CHD9: variants seen among roughly 807,000 people sequenced by gnomAD.
CHD9 encodes the protein chromodomain helicase DNA binding protein 9.
Under a neutral mutation model 316.1 loss-of-function variants are expected in CHD9, and 77 were observed. The ratio of observed to expected loss-of-function variants is 0.24; its 90% confidence interval spans 0.20 to 0.29. The LOEUF (loss-of-function observed/expected upper bound fraction) is 0.29. Ranked by LOEUF, CHD9 falls within the 10% of genes least tolerant of loss-of-function variation. CHD9 has a pLI of 1.00. For synonymous variants in CHD9, 1,129 were observed against 1,158.3 expected (o/e 0.97, Z 0.51); for missense variants, 2,763 against 3,438.1 (o/e 0.80, Z 4.91).
intron 19 of CHD9, among the ~76,000 whole-genome samples, chr16:53,256,330 C>T (rs555413344): frequency 2.7e-5 from 4 of 149,096 alleles, no homozygotes; most frequent in South Asian, 2.1e-4. Flanking sequence ...CTCTGTTAGG[C>T]GATAATATTT....
chr16:53,137,128 C>G (rs2039776771), intron 1 of CHD9, among the ~76,000 whole-genome samples: 1 of 152,062 alleles, frequency 6.6e-6, no homozygotes. Flanking sequence ...CACCTGCCAC[C>G]ACGCCCAGCT....
intron 2 of CHD9, among the ~76,000 whole-genome samples, chr16:53,202,440 T>C (rs1294781815): frequency 6.6e-6 from 1 of 151,888 alleles, no homozygotes; most frequent in Admixed American, 6.6e-5. Context: ...GTCTTAAGTC[T>C]CATCTACTCT....
At chr16:53,100,304 T>G (rs1435979576) in intron 1 of CHD9, among the ~76,000 whole-genome samples, 1 of 152,166 alleles carries the variant, frequency 6.6e-6, no homozygotes, top group African/African-American at 2.4e-5. Context: ...AGTCTTTGTG[T>G]CCTCTGAATG....
chr16:53,250,265 TTA>T, intron 17 of CHD9, 199 bp downstream of exon 17: 1 of 544,640 alleles, frequency 1.8e-6, no homozygotes, highest in Non-Finnish European at 3.2e-6. Context: ...TTTTACTTTT[TTA>T]TATGTCTCAC....
At chr16:53,267,033 C>T (rs954234477) in intron 20 of CHD9, among the ~76,000 whole-genome samples, 1 of 152,008 alleles carries the variant, frequency 6.6e-6, no homozygotes, top group Non-Finnish European at 1.5e-5. Flanking sequence ...TTTATGATTA[C>T]AATAATGTTA....
chr16:53,109,760 C>T (rs1299427602), intron 1 of CHD9, among the ~76,000 whole-genome samples: 3 of 141,234 alleles, frequency 2.1e-5, no homozygotes, highest in African/African-American at 8.1e-5. Context: ...TCTCGGCTCA[C>T]TGCAAGCTCC....
chr16:53,245,675 A>G lies in CHD9; in HGVS notation c.3279A>G (p.Lys1093=). 3 of 1,609,492 alleles carry G rather than the reference A, an allele frequency of 1.9e-6. No individual in the cohort carries two copies. Among genetic ancestry groups the G allele is most frequent in the South Asian group, 2.2e-5 (2 of 89,828 alleles). ...KEDVEKKLAP[K]EETIIEVELT... ...ATGTGGAAAAGAAGTTGGCACCTAA[A>G]GAAGAAACCATCATTGAAGTAGAAC... Residue 1093 remains lysine (K), a synonymous_variant, in exon 15 of 39, where the codon AAA becomes AAG. Transcript: ENST00000447540. The surrounding 1 kb of genome is among the most constrained non-coding windows in gnomAD (Gnocchi z 4.1).
intron 38 of CHD9, among the ~76,000 whole-genome samples, chr16:53,322,989 G>A (rs145652488): frequency 1.3e-3 from 198 of 152,190 alleles, no homozygotes; most frequent in African/African-American, 4.6e-3. Flanking sequence ...AGTTGATTCA[G>A]TTCAAAACAA....
At position 53,291,402 on chromosome 16, in the gene CHD9, A is replaced by T. The variant is rs1019545709; in HGVS notation, c.5248-323A>T. 8.5e-5 allele frequency among the ~76,000 whole-genome samples: 13 copies of T among 152,332 alleles called. No homozygotes were observed. In the South Asian group the frequency reaches 2.5e-3, roughly 29 times the overall value. ...AGTTGGTATAAGAAAGGGGAAAAAAACACACTTAGTTAGCAATAAAACCTA... is the reference window on the plus strand; with the variant it reads ...AGTTGGTATAAGAAAGGGGAAAAAATCACACTTAGTTAGCAATAAAACCTA... On this transcript the variant is annotated intron_variant, in intron 27 of 38. Transcript: ENST00000447540.
intron 3 of CHD9, among the ~76,000 whole-genome samples, chr16:53,216,837 T>C (rs74018912): frequency 0.011 from 1,653 of 152,300 alleles, 24 homozygotes; most frequent in African/African-American, 0.026. Flanking sequence ...ATCCTGGGTT[T>C]GGGACCCACA....
chr16:53,276,643 C>G (rs1189668954), intron 24 of CHD9, among the ~76,000 whole-genome samples: 1 of 152,140 alleles, frequency 6.6e-6, no homozygotes, highest in African/African-American at 2.4e-5. Context: ...TTTCTTCTTA[C>G]CTTTTAAGGA....
intron 1 of CHD9, among the ~76,000 whole-genome samples, chr16:53,070,297 T>A (rs2033895446): frequency 6.6e-6 from 1 of 152,164 alleles, no homozygotes; most frequent in South Asian, 2.1e-4. Context: ...CTTTTGGTGT[T>A]GTATTCAAGA....
rs757165644 is a variant in CHD9, at chr16:53,146,419, G to GTATA, written c.-164-9492_-164-9489dup. Among the ~76,000 whole-genome samples the GTATA allele has an allele frequency of 3.4e-4, 26 of 76,700 alleles. 3 individuals are homozygous for GTATA. The highest frequency in any genetic ancestry group is 3.8e-4 in the South Asian group (1 of 2,620). The allele number at this position is 76,700 out of a possible 152,430, so 50.3% of individuals were successfully genotyped here. A position where few individuals can be genotyped will look rare whatever the true frequency, so the allele number is the denominator to read the frequency against. ...AAAAAAAAATTGTGTGTGTGTGTAT[G>GTATA]TATATATATATATATATAATTAAAA... On this transcript the variant is annotated intron_variant, in intron 1 of 38. Coordinates refer to ENST00000447540, the MANE Select transcript of CHD9 (RefSeq NM_001308319.2).
intron 2 of CHD9, among the ~76,000 whole-genome samples, chr16:53,190,250 G>A (rs541702445): frequency 7.9e-5 from 12 of 152,060 alleles, no homozygotes; most frequent in East Asian, 3.9e-4. Context: ...AATTAAAAAC[G>A]TTTTATACTA....
intron 17 of CHD9, among the ~76,000 whole-genome samples, chr16:53,252,897 A>G (rs2050245649): frequency 6.6e-6 from 1 of 152,206 alleles, no homozygotes; most frequent in Non-Finnish European, 1.5e-5. Flanking sequence ...ATCGAAAAAC[A>G]GAAGATGTTG....
intron 17 of CHD9, among the ~76,000 whole-genome samples, chr16:53,250,994 C>T (rs1287320835): frequency 6.6e-6 from 1 of 152,134 alleles, no homozygotes; most frequent in East Asian, 1.9e-4. Context: ...TAGCTTAAAA[C>T]ATATTTTAAA....
At chr16:53,204,428 C>T (rs62048050) in intron 2 of CHD9, among the ~76,000 whole-genome samples, 47,366 of 152,056 alleles carry the variant, frequency 0.31, 7,544 homozygotes, top group Middle Eastern at 0.39. Context: ...CAAATCTCTT[C>T]GCTTCTTTTC....
chr16:53,275,526 G>A (rs919666703), intron 24 of CHD9, among the ~76,000 whole-genome samples: 1 of 152,170 alleles, frequency 6.6e-6, no homozygotes, highest in Admixed American at 6.5e-5. Context: ...TTTTGTGTAT[G>A]TATAGGATAC....
intron 1 of CHD9, among the ~76,000 whole-genome samples, chr16:53,081,751 C>T (rs1055794343): frequency 7.6e-6 from 1 of 131,982 alleles, no homozygotes; most frequent in African/African-American, 3.4e-5. Flanking sequence ...CCATGCTTGG[C>T]TAATTAAAAA....
Sources: allele counts gnomAD v4.1 joint callset (sites outside exome capture counted in the v4.1 genomes callset), GRCh38; gene constraint gnomAD v4.1.1; non-coding constraint Gnocchi (gnomAD v3.1); transcripts MANE v1.5; gene names NCBI Gene and HGNC (gene_info 2026-07-23, HGNC 2026-07-21).